The following SLC27A6 variants were observed in gnomAD, a reference collection of about 807,000 sequenced individuals.
The protein encoded by SLC27A6 is long-chain fatty acid transport protein 6.
SLC27A6 carries 74 observed loss-of-function variants against 63.9 expected under a neutral mutation model. The ratio of observed to expected loss-of-function variants is 1.16; its 90% CI spans 0.96 to 1.40. The LOEUF (loss-of-function observed/expected upper bound fraction) is 1.40. Among genes scored for constraint, SLC27A6 ranks in the 40% most tolerant of loss-of-function variants. The pLI, the probability that SLC27A6 is intolerant of heterozygous loss-of-function variation, is 0.00. For missense variants in SLC27A6, 794 were observed against 732.9 expected, an observed-to-expected ratio of 1.08 and a Z score of -0.96; for synonymous variants, 287 against 260.8, an observed-to-expected ratio of 1.10 and a Z score of -0.97.
chr5:128,969,732 T>G (rs1261565851), intron 1 of SLC27A6, among the ~76,000 whole-genome samples: 2 of 152,210 alleles, frequency 1.3e-5, no homozygotes, highest in Non-Finnish European at 2.9e-5. Flanking sequence ...GACTTCCTCT[T>G]TTCCTAATTG....
chr5:128,969,155 T>C (rs1453291524), intron 1 of SLC27A6, among the ~76,000 whole-genome samples: 1 of 152,220 alleles, frequency 6.6e-6, no homozygotes, highest in Non-Finnish European at 1.5e-5. Context: ...CATGCTGTTT[T>C]GGTTGCTGTA....
rs781286025 is a variant in SLC27A6, at chr5:129,028,388, A to G, written c.1498A>G (p.Ile500Val). ...NVATTEVADV[I>V]GMLDFIQEAN... ...CGCAACCACTGAGGTTGCTGATGTT[A>G]TTGGAATGTTGGATTTCATACAGGA... The change falls in exon 8 of 10, where the codon ATT becomes GTT. Residue 500 changes from isoleucine to valine, a missense_variant. Coordinates refer to ENST00000262462, the MANE Select transcript of SLC27A6 (RefSeq NM_001017372.3). The G allele has an allele frequency of 1.2e-6, 2 of 1,610,984 alleles. No homozygotes were observed. Among genetic ancestry groups the G allele is most frequent in the African/African-American group, 2.7e-5 (2 of 74,752 alleles).
chr5:129,032,975 AATT>A (rs2150158203), intron 9 of SLC27A6, 128 bp from the exon 10 acceptor site: 1 of 486,558 alleles, frequency 2.1e-6, no homozygotes, highest in Non-Finnish European at 3.5e-6. Context: ...TCTAGTGTTA[AATT>A]ATTAGAAAAT....
intron 8 of SLC27A6, 86 bp downstream of exon 8, chr5:129,028,528 C>A: frequency 1.3e-6 from 1 of 788,080 alleles, no homozygotes; most frequent in Non-Finnish European, 2.1e-6. Context: ...GCTAATTCAA[C>A]ATTTTAATTT....
intron 9 of SLC27A6, among the ~76,000 whole-genome samples, chr5:129,031,169 A>G (rs1752403742): frequency 6.6e-6 from 1 of 152,058 alleles, no homozygotes; most frequent in Non-Finnish European, 1.5e-5. Context: ...ATCCTTAAGC[A>G]CCTAAAAAGA....
chr5:128,972,802 G>A (rs1303889296), intron 1 of SLC27A6, among the ~76,000 whole-genome samples: 2 of 152,098 alleles, frequency 1.3e-5, no homozygotes, highest in Non-Finnish European at 2.9e-5. Flanking sequence ...ATCCAGTTTT[G>A]TTCCATTGCT....
At chr5:129,028,292 C>T (rs1021188533) in intron 7 of SLC27A6, 53 bp from the exon 8 acceptor site, 4 of 1,172,950 alleles carry the variant, frequency 3.4e-6, no homozygotes, top group African/African-American at 1.5e-5. Context: ...AAACTGGGTA[C>T]CTAGTTTTTC....
chr5:129,005,611 T>TTC, intron 4 of SLC27A6, among the ~76,000 whole-genome samples: 1 of 136,976 alleles, frequency 7.3e-6, no homozygotes, highest in East Asian at 2.2e-4. Flanking sequence ...TGGTTGTATT[T>TTC]TTTTTTTTTT....
chr5:128,966,313 A>C lies in SLC27A6; in HGVS notation c.176A>C (p.Lys59Thr), dbSNP rs375712222. ...GGGGAGCTGGTGACTGTGCTGGATA[A>C]ATTCTTGAGTCATGCCAAAAGACAA... ...KRGELVTVLD[K>T]FLSHAKRQPR... Residue 59 changes from lysine to threonine, a missense_variant, in exon 1 of 10, where the codon AAA becomes ACA. By Grantham distance (78) the Lys-to-Thr change is moderately conservative. Transcript: ENST00000262462. The C allele has an allele frequency of 6.2e-7, 1 of 1,613,984 alleles. No homozygotes were observed. The highest frequency in any genetic ancestry group is 8.5e-7 in the Non-Finnish European group (1 of 1,180,020).
intron 4 of SLC27A6, among the ~76,000 whole-genome samples, chr5:128,992,733 A>G (rs951068179): frequency 3.7e-4 from 57 of 152,194 alleles, no homozygotes; most frequent in Non-Finnish European, 1.5e-4. Flanking sequence ...ACTTTTTGGT[A>G]ATGTGATATC....
chr5:129,031,389 CT>C (rs1250049066), intron 9 of SLC27A6, among the ~76,000 whole-genome samples: 1 of 151,868 alleles, frequency 6.6e-6, no homozygotes, highest in African/African-American at 2.4e-5. Context: ...TGGAAGAAGC[CT>C]TTTTGCCAAT....
intron 4 of SLC27A6, among the ~76,000 whole-genome samples, chr5:129,009,023 C>T (rs377505632): frequency 1.6e-3 from 249 of 151,960 alleles, no homozygotes; most frequent in African/African-American, 5.3e-3. Flanking sequence ...CCCACTACCA[C>T]GCCCAACTAA....
intron 4 of SLC27A6, among the ~76,000 whole-genome samples, chr5:129,004,982 G>C (rs1029247829): frequency 6.6e-6 from 1 of 152,010 alleles, no homozygotes; most frequent in African/African-American, 2.4e-5. Context: ...ATCATCTTTT[G>C]CCTGAACTAC....
chr5:128,971,459 A>G (rs1391074094), intron 1 of SLC27A6, among the ~76,000 whole-genome samples: 2 of 152,130 alleles, frequency 1.3e-5, no homozygotes, highest in East Asian at 1.9e-4. Context: ...GGGTGCATAT[A>G]TATTCAGGAT....
At chr5:128,969,304 G>A (rs1750042922) in intron 1 of SLC27A6, among the ~76,000 whole-genome samples, 1 of 151,630 alleles carries the variant, frequency 6.6e-6, no homozygotes, top group African/African-American at 2.4e-5. Flanking sequence ...TGTGAAGAAA[G>A]TCATTGGTAG....
chr5:128,980,621 G>C (rs1561613107), intron 1 of SLC27A6, among the ~76,000 whole-genome samples: 2 of 152,146 alleles, frequency 1.3e-5, no homozygotes, highest in Non-Finnish European at 2.9e-5. Flanking sequence ...AAAGCCTGTT[G>C]AACTGCTCTA....
intron 1 of SLC27A6, among the ~76,000 whole-genome samples, chr5:128,982,508 C>T (rs1197877423): frequency 6.6e-6 from 1 of 152,096 alleles, no homozygotes; most frequent in African/African-American, 2.4e-5. Context: ...TTTAGACATA[C>T]ATATCATTAA....
At chr5:129,016,696 T>C (rs1318817688) in intron 5 of SLC27A6, among the ~76,000 whole-genome samples, 2 of 152,152 alleles carry the variant, frequency 1.3e-5, no homozygotes, top group East Asian at 1.9e-4. Context: ...ACTCTTTCCG[T>C]ATATATTAAT....
At chr5:129,017,534 T>C (rs1751943557) in intron 5 of SLC27A6, among the ~76,000 whole-genome samples, 1 of 151,878 alleles carries the variant, frequency 6.6e-6, no homozygotes, top group African/African-American at 2.4e-5. Context: ...AAGGAAATAA[T>C]AAAGAGCAGA....
Sources: allele counts gnomAD v4.1 joint callset (sites outside exome capture counted in the v4.1 genomes callset), GRCh38; gene constraint gnomAD v4.1.1; transcripts MANE v1.5; gene names NCBI Gene and HGNC (gene_info 2026-07-23, HGNC 2026-07-21).